Variants in RBMS1 observed in about 807,000 individuals in gnomAD.
The protein encoded by RBMS1 is RNA binding motif single stranded interacting protein 1.
RBMS1 carries 17 observed loss-of-function variants against 62.3 expected under a neutral mutation model. The observed-to-expected ratio is 0.27, with a 90% CI of 0.19 to 0.41. RBMS1 has a LOEUF of 0.41. Among genes scored for constraint, RBMS1 ranks in the 10% least tolerant of loss-of-function variants. The probability of loss-of-function intolerance (pLI) is 1.00; values close to 1 mark genes in which losing one functional copy is unlikely to be tolerated. For synonymous variants in RBMS1, 172 were observed against 170.0 expected (o/e 1.01, Z -0.09); for missense variants, 334 against 504.5 (o/e 0.66, Z 3.24).
At chr2:160,390,878 T>C (rs1694830585) in intron 1 of RBMS1, among the ~76,000 whole-genome samples, 1 of 106,596 alleles carries the variant, frequency 9.4e-6, no homozygotes, top group South Asian at 3.0e-4. Flanking sequence ...AACTGCAAGT[T>C]AAAAACAACC....
chr2:160,490,641 A>T (rs2442), intron 1 of RBMS1, among the ~76,000 whole-genome samples: 2 of 152,028 alleles, frequency 1.3e-5, no homozygotes, highest in African/African-American at 4.8e-5. Flanking sequence ...AATAGACTGG[A>T]TCACTAAAAC....
Position 160,286,996 on chromosome 2 carries a change from T to C in RBMS1, c.729A>G (p.Pro243=). ...NPNKYIPNGR[P]WHREGEVRLA... ...GTCTCACCTCTCCTTCTCTATGCCATGGTCTTCCATTAGGGATGTATTTGT... is the reference window on the plus strand; with the variant it reads ...GTCTCACCTCTCCTTCTCTATGCCACGGTCTTCCATTAGGGATGTATTTGT... Residue 243 remains proline (P), a synonymous_variant, in exon 7 of 14, where the codon CCA becomes CCG. Coordinates refer to ENST00000348849, the MANE Select transcript of RBMS1 (RefSeq NM_016836.4). 2 of 1,596,842 alleles carry C rather than the reference T, an allele frequency of 1.3e-6. No homozygotes were observed. The highest frequency in any genetic ancestry group is 8.6e-7 in the Non-Finnish European group (1 of 1,169,518).
At chr2:160,321,566 G>A (rs567433353) in intron 2 of RBMS1, among the ~76,000 whole-genome samples, 1 of 151,828 alleles carries the variant, frequency 6.6e-6, no homozygotes, top group Non-Finnish European at 1.5e-5. Context: ...ATTTTATTAG[G>A]ATTCTTAAAT....
intron 1 of RBMS1, among the ~76,000 whole-genome samples, chr2:160,491,306 A>C (rs1483208726): frequency 1.3e-5 from 2 of 152,232 alleles, no homozygotes; most frequent in Non-Finnish European, 2.9e-5. Flanking sequence ...GAAACAAAGG[A>C]ATTCCGAATA....
Position 160,318,202 on chromosome 2 carries a change from C to T in RBMS1, c.277G>A (p.Ala93Thr). 6.5e-7 allele frequency: 1 copy of T among 1,542,222 alleles called. No homozygotes were observed. The highest frequency in any genetic ancestry group is 1.2e-5 in the South Asian group (1 of 81,992). ...TTGTTCGTTGTCTTATCCAAAATTG[C>T]CTTTGTGGAGACTATTTTCCCATAT... ...QPYGKIVSTK[A>T]ILDKTTNKCK... Residue 93 changes from alanine to threonine, a missense_variant, in exon 3 of 14, where the codon GCA becomes ACA. Coordinates refer to ENST00000348849, the MANE Select transcript of RBMS1 (RefSeq NM_016836.4).
chr2:160,399,040 C>A (rs931838608), intron 1 of RBMS1, among the ~76,000 whole-genome samples: 5 of 152,214 alleles, frequency 3.3e-5, no homozygotes, highest in African/African-American at 9.6e-5. Flanking sequence ...CTCTACCCTG[C>A]AGTCAACCTA....
intron 1 of RBMS1, among the ~76,000 whole-genome samples, chr2:160,382,669 T>C (rs1010189109): frequency 1.3e-5 from 2 of 152,156 alleles, no homozygotes; most frequent in Non-Finnish European, 2.9e-5. Flanking sequence ...TATTAGACTT[T>C]CAACTGAAAA....
chr2:160,457,116 T>G (rs1684270325), intron 1 of RBMS1, among the ~76,000 whole-genome samples: 1 of 110,674 alleles, frequency 9.0e-6, no homozygotes, highest in Non-Finnish European at 2.1e-5. Context: ...TTATTTTTAT[T>G]TATTTAATTA....
chr2:160,476,686 C>G (rs1452130033), intron 1 of RBMS1, among the ~76,000 whole-genome samples: 8 of 150,056 alleles, frequency 5.3e-5, no homozygotes, highest in African/African-American at 2.0e-4. Context: ...TCCCAAGTAG[C>G]TGGGACTACA....
intron 2 of RBMS1, among the ~76,000 whole-genome samples, chr2:160,322,119 G>T (rs894860699): frequency 6.6e-6 from 1 of 152,142 alleles, no homozygotes; most frequent in Admixed American, 6.5e-5. Flanking sequence ...TTGCATGTAT[G>T]CTTTTATTTA....
At chr2:160,340,862 G>C (rs1162665867) in intron 2 of RBMS1, among the ~76,000 whole-genome samples, 3 of 152,106 alleles carry the variant, frequency 2.0e-5, no homozygotes, top group Admixed American at 1.3e-4. Flanking sequence ...GTAAGTCTTA[G>C]AGGCATGATC....
intron 4 of RBMS1, among the ~76,000 whole-genome samples, chr2:160,307,532 C>T (rs72972830): frequency 0.013 from 1,977 of 152,220 alleles, 33 homozygotes; most frequent in Middle Eastern, 0.061. Context: ...TCGTTATCTG[C>T]GTTTCTTTTC....
chr2:160,457,372 T>C (rs1052334850), intron 1 of RBMS1, among the ~76,000 whole-genome samples: 1 of 152,254 alleles, frequency 6.6e-6, no homozygotes, highest in South Asian at 2.1e-4. Context: ...TCAGGTGATC[T>C]GCCTGCCTCA....
chr2:160,391,642 A>T (rs1239064136), intron 1 of RBMS1, among the ~76,000 whole-genome samples: 2 of 152,160 alleles, frequency 1.3e-5, no homozygotes, highest in Non-Finnish European at 2.9e-5. Context: ...CTGTCTCACC[A>T]CTTCAGAATT....
Position 160,427,067 on chromosome 2 carries a change from A to G in RBMS1, c.76-59676T>C, listed in dbSNP as rs79616212. ...TTAGACTTTATCTCTAATCAATTTG[A>G]TAGCCTATGACTGAAAACTCCACAT... On this transcript the variant is annotated intron_variant, in intron 1 of 13. Transcript: ENST00000348849. Among the ~76,000 whole-genome samples, 115 of 152,350 alleles carry G rather than the reference A, an allele frequency of 7.5e-4. No homozygotes were observed. The East Asian group carries it at 0.021, about 28-fold the overall frequency.
intron 2 of RBMS1, among the ~76,000 whole-genome samples, chr2:160,348,667 A>G (rs776618113): frequency 2.6e-5 from 4 of 152,152 alleles, no homozygotes; most frequent in African/African-American, 4.8e-5. Flanking sequence ...CTGATTGACA[A>G]GAAATCTATC....
At chr2:160,342,343 G>C (rs1051191205) in intron 2 of RBMS1, among the ~76,000 whole-genome samples, 2 of 152,092 alleles carry the variant, frequency 1.3e-5, no homozygotes, top group African/African-American at 4.8e-5. Flanking sequence ...GGACTATTTA[G>C]AGTATTTAAA....
intron 1 of RBMS1, among the ~76,000 whole-genome samples, chr2:160,444,466 G>A (rs1016322680): frequency 2.6e-5 from 4 of 152,026 alleles, no homozygotes; most frequent in Admixed American, 2.0e-4. Flanking sequence ...TGTACTTTGC[G>A]TGTCTTACTC....
chr2:160,471,580 A>T (rs1028110360), intron 1 of RBMS1, among the ~76,000 whole-genome samples: 2 of 150,738 alleles, frequency 1.3e-5, no homozygotes, highest in East Asian at 2.0e-4. Context: ...TTGTTTAAAG[A>T]ATATCTGGAG....
Sources: gnomAD v4.1 joint callset for allele counts (sites outside exome capture counted in the v4.1 genomes callset) on GRCh38, gnomAD v4.1.1 for gene constraint, MANE v1.5 for transcripts, NCBI Gene and HGNC (gene_info 2026-07-23, HGNC 2026-07-21) for gene names.